Variants in ZEB1 observed in about 807,000 individuals in gnomAD.
ZEB1 encodes zinc finger E-box-binding homeobox 1.
In ZEB1, 21 loss-of-function variants were observed where a neutral mutation model predicts 84.9. The observed-to-expected ratio is 0.25, with a 90% CI of 0.18 to 0.36. The LOEUF is 0.36. ZEB1 is among the 10% of genes least tolerant of loss of function. The pLI is 1.00. For missense variants in ZEB1, 1,104 were observed against 1,330.2 expected, an observed-to-expected ratio of 0.83 and a Z score of 2.65; for synonymous variants, 420 against 471.1, an observed-to-expected ratio of 0.89 and a Z score of 1.41.
chr10:31,474,367 A>G (rs2063748144), intron 2 of ZEB1, among the ~76,000 whole-genome samples: 1 of 151,950 alleles, frequency 6.6e-6, no homozygotes, highest in Admixed American at 6.5e-5. Context: ...TTTACAAGAA[A>G]AAAACAAACA....
chr10:31,435,241 G>A (rs59551386), intron 1 of ZEB1, among the ~76,000 whole-genome samples: 2,273 of 152,252 alleles, frequency 0.015, 57 homozygotes, highest in African/African-American at 0.052. Context: ...CTACAAGCTG[G>A]AAAAGGCAGG....
intron 4 of ZEB1, among the ~76,000 whole-genome samples, chr10:31,504,082 A>G (rs963199926): frequency 2.1e-5 from 3 of 143,192 alleles, no homozygotes; most frequent in Admixed American, 2.0e-4. Context: ...TTCTAGTTTT[A>G]TGGTGTTGTG....
chr10:31,396,414 G>GC (rs2050737910), intron 1 of ZEB1, among the ~76,000 whole-genome samples: 1 of 152,128 alleles, frequency 6.6e-6, no homozygotes, highest in South Asian at 2.1e-4. Flanking sequence ...TAAACTATTG[G>GC]CTACAATATC....
intron 1 of ZEB1, among the ~76,000 whole-genome samples, chr10:31,402,532 C>T (rs1450153049): frequency 1.3e-5 from 2 of 151,922 alleles, no homozygotes; most frequent in Admixed American, 1.3e-4. Context: ...CTGGTGGGGC[C>T]CTGGACAATA....
chr10:31,322,848 G>A (rs370525172), intron 1 of ZEB1, among the ~76,000 whole-genome samples: 1 of 151,738 alleles, frequency 6.6e-6, no homozygotes, highest in East Asian at 1.9e-4. Flanking sequence ...TCTGTCATCA[G>A]CACCATTTCC....
chr10:31,466,601 G>A (rs1395993012), intron 2 of ZEB1, among the ~76,000 whole-genome samples: 1 of 152,140 alleles, frequency 6.6e-6, no homozygotes, highest in Non-Finnish European at 1.5e-5. Context: ...ATGGAATGCA[G>A]CAAAAGCAGT....
intron 6 of ZEB1, among the ~76,000 whole-genome samples, chr10:31,515,067 G>A (rs546824208): frequency 6.6e-6 from 1 of 152,128 alleles, no homozygotes; most frequent in Non-Finnish European, 1.5e-5. Context: ...ATTTGCACAA[G>A]AGAATAGGGA....
intron 8 of ZEB1, among the ~76,000 whole-genome samples, chr10:31,525,044 T>G (rs984776766): frequency 6.6e-6 from 1 of 152,246 alleles, no homozygotes; most frequent in Non-Finnish European, 1.5e-5. Context: ...GTTTTTGATT[T>G]TGTTTTTACA....
At chr10:31,382,023 A>AC (rs2047760359) in intron 1 of ZEB1, among the ~76,000 whole-genome samples, 5 of 149,000 alleles carry the variant, frequency 3.4e-5, no homozygotes, top group African/African-American at 1.0e-4. Context: ...AAAAAAAAAA[A>AC]AAAAAAAAAA....
At chr10:31,411,163 A>G (rs578192280) in intron 1 of ZEB1, among the ~76,000 whole-genome samples, 2 of 152,328 alleles carry the variant, frequency 1.3e-5, no homozygotes, top group African/African-American at 2.4e-5. Context: ...TCATAACAGT[A>G]TATCAGACCA....
chr10:31,319,149 G>GGGAGGGGTGGAGGC (rs1410475787), upstream of ZEB1: 259 of 874,358 alleles, frequency 3.0e-4, no homozygotes, highest in African/African-American at 2.2e-3. Context: ...GTGGGGAGGG[G>GGGAGGGGTGGAGGC]GGAGGGGTGG....
rs757381658 is a variant in ZEB1, at chr10:31,526,966, A to T, written c.3080A>T (p.Glu1027Val). The T allele has an allele frequency of 3.7e-6, 6 of 1,613,716 alleles. No individual in the cohort carries two copies. In the South Asian group the frequency reaches 5.5e-5, roughly 15 times the overall value. ...TCACAGGGCGACTCGGACGAGAGAGAGAGTTTGACAAGGGAAGAGGATGAA... is the reference window on the plus strand; with the variant it reads ...TCACAGGGCGACTCGGACGAGAGAGTGAGTTTGACAAGGGAAGAGGATGAA... ...SPSQGDSDER[E>V]SLTREEDEDS... The change falls in exon 9 of 9, where the codon GAG becomes GTG. Residue 1027 changes from glutamate (E) to valine (V), a missense_variant. This residue lies in a region of ZEB1 where 173 missense variants were observed against 167.0 expected (regional missense o/e 1.04). Coordinates refer to ENST00000424869, the MANE Select transcript of ZEB1 (RefSeq NM_001174096.2).
intron 1 of ZEB1, among the ~76,000 whole-genome samples, chr10:31,331,446 A>G (rs2036771081): frequency 6.6e-6 from 1 of 152,168 alleles, no homozygotes. Flanking sequence ...TGAGAAAATA[A>G]TTCCATTTAT....
At chr10:31,334,270 C>T (rs2037500451) in intron 1 of ZEB1, among the ~76,000 whole-genome samples, 1 of 151,988 alleles carries the variant, frequency 6.6e-6, no homozygotes, top group Non-Finnish European at 1.5e-5. Flanking sequence ...TCAAATACAG[C>T]CAGCTTTAAC....
intron 2 of ZEB1, among the ~76,000 whole-genome samples, chr10:31,466,229 T>C (rs1005898508): frequency 2.6e-4 from 40 of 152,036 alleles, no homozygotes; most frequent in Admixed American, 6.6e-4. Context: ...AGAAAATCAA[T>C]AAAGAAACAG....
intron 2 of ZEB1, among the ~76,000 whole-genome samples, chr10:31,473,010 C>A (rs1301657916): frequency 2.2e-4 from 31 of 139,624 alleles, no homozygotes; most frequent in Non-Finnish European, 2.9e-4. Flanking sequence ...ATTCAACAAC[C>A]CTTCATGCTA....
rs1017857031 is a variant in ZEB1, at chr10:31,510,975, G to A, written c.687+100G>A. 3 of 1,087,022 alleles carry A rather than the reference G, an allele frequency of 2.8e-6. No individual in the cohort carries two copies. In the African/African-American group the frequency reaches 4.7e-5, roughly 17 times the overall value. The allele number at this position is 1,087,022 out of a possible 1,614,324, so 67.3% of individuals were successfully genotyped here. A position where few individuals can be genotyped will look rare whatever the true frequency, so the allele number is the denominator to read the frequency against. ...TAATATATTTGAAAGTTAAAAGAAT[G>A]TACTAAACAGTGCTATATCTGCAGC... On this transcript the variant is annotated intron_variant, in intron 5 of 8. Coordinates refer to ENST00000424869, the MANE Select transcript of ZEB1 (RefSeq NM_001174096.2).
Position 31,520,258 on chromosome 10 carries a change from C to T in ZEB1, c.926C>T (p.Thr309Ile). ...GGGCGACCAAGAACAGGACTCAAGA[C>T]ATCTCAGTGTTCTTCACCGTCTCTT... is the stretch of plus-strand genomic sequence containing the variant. ...VNGRPRTGLK[T>I]SQCSSPSLSA... Residue 309 changes from threonine to isoleucine, a missense_variant, in exon 7 of 9, where the codon ACA (threonine) becomes ATA (isoleucine). Thr to Ile is a moderately conservative substitution (Grantham distance 89). Around this residue, in one of 7 missense-constraint regions of ZEB1, gnomAD observed 111 missense variants for 161.8 expected, o/e 0.69. Transcript: ENST00000424869. This position sits in a 1 kb window ranked among gnomAD's most constrained non-coding sequence, Gnocchi z 5.1. 6.2e-7 allele frequency: 1 copy of T among 1,613,952 alleles called. No individual in the cohort carries two copies. Among genetic ancestry groups the T allele is most frequent in the Non-Finnish European group, 8.5e-7 (1 of 1,179,902 alleles).
At chr10:31,451,444 C>G (rs2060557706) in intron 1 of ZEB1, among the ~76,000 whole-genome samples, 1 of 152,056 alleles carries the variant, frequency 6.6e-6, no homozygotes. Context: ...TAAGTACTTT[C>G]CGCATTTGTA....
Sources: allele counts gnomAD v4.1 joint callset (sites outside exome capture counted in the v4.1 genomes callset), GRCh38; gene constraint gnomAD v4.1.1; regional missense constraint gnomAD v4.1.1; non-coding constraint Gnocchi (gnomAD v3.1); transcripts MANE v1.5; gene names NCBI Gene and HGNC (gene_info 2026-07-23, HGNC 2026-07-21).